The following TMC1 variants were observed in gnomAD, a reference collection of about 807,000 sequenced individuals.
TMC1 encodes transmembrane channel-like protein 1.
TMC1 carries 84 observed loss-of-function variants against 105.8 expected under a neutral mutation model. The ratio of observed to expected loss-of-function variants is 0.79; its 90% CI spans 0.67 to 0.95. TMC1 has a LOEUF of 0.95. Among genes scored for constraint, TMC1 ranks in the 40% least tolerant of loss-of-function variants. TMC1 has a pLI of 0.00. For missense variants in TMC1, 817 were observed against 914.1 expected, an observed-to-expected ratio of 0.89 and a Z score of 1.37; for synonymous variants, 315 against 311.5, an observed-to-expected ratio of 1.01 and a Z score of -0.12.
chr9:72,612,469 C>T (rs369308654), intron 2 of TMC1, among the ~76,000 whole-genome samples: 35 of 145,474 alleles, frequency 2.4e-4, no homozygotes, highest in South Asian at 1.1e-3. Context: ...CCACCACTCC[C>T]GGCCCAAACA....
intron 4 of TMC1, among the ~76,000 whole-genome samples, chr9:72,645,862 A>G (rs1021608355): frequency 1.3e-5 from 2 of 152,232 alleles, no homozygotes; most frequent in African/African-American, 4.8e-5. Context: ...CTGCATTGAC[A>G]TAATTCAATT....
intron 20 of TMC1, among the ~76,000 whole-genome samples, chr9:72,825,995 A>C (rs942355875): frequency 6.6e-6 from 1 of 152,206 alleles, no homozygotes; most frequent in African/African-American, 2.4e-5. Flanking sequence ...TTAGTAGTTG[A>C]AAATGCTTAA....
intron 1 of TMC1, among the ~76,000 whole-genome samples, chr9:72,566,841 C>A (rs1408832856): frequency 6.6e-6 from 1 of 152,194 alleles, no homozygotes; most frequent in Non-Finnish European, 1.5e-5. Context: ...GGGTTATGGT[C>A]ACAGACTCCT....
chr9:72,683,608 T>A (rs1301622526), intron 5 of TMC1, among the ~76,000 whole-genome samples: 1 of 150,622 alleles, frequency 6.6e-6, no homozygotes, highest in Non-Finnish European at 1.5e-5. Flanking sequence ...AAGAGAGATT[T>A]CACATTTTTG....
chr9:72,710,988 A>G (rs371424094), intron 8 of TMC1, among the ~76,000 whole-genome samples: 3 of 151,476 alleles, frequency 2.0e-5, no homozygotes, highest in South Asian at 4.2e-4. Flanking sequence ...TCATTGTTCA[A>G]CTCCCACTTA....
At chr9:72,765,649 A>C (rs541794841) in intron 12 of TMC1, among the ~76,000 whole-genome samples, 4 of 152,174 alleles carry the variant, frequency 2.6e-5, no homozygotes, top group Admixed American at 2.6e-4. Context: ...TAAAAAAAAA[A>C]AAAAAAATTC....
chr9:72,829,823 T>C (rs148673098), intron 21 of TMC1, among the ~76,000 whole-genome samples: 131 of 152,372 alleles, frequency 8.6e-4, no homozygotes, highest in Non-Finnish European at 8.8e-4. Context: ...TATTTATTTT[T>C]ACAGAATTGT....
At chr9:72,739,495 C>T (rs2118012556) in intron 8 of TMC1, among the ~76,000 whole-genome samples, 1 of 152,314 alleles carries the variant, frequency 6.6e-6, no homozygotes, top group East Asian at 1.9e-4. Flanking sequence ...AATGCAACTG[C>T]TGTAAATGTA....
intron 23 of TMC1, among the ~76,000 whole-genome samples, chr9:72,834,271 A>G (rs1443041889): frequency 1.3e-5 from 2 of 152,098 alleles, no homozygotes; most frequent in African/African-American, 2.4e-5. Context: ...GAGAATATTA[A>G]TAACTCTTTT....
chr9:72,667,493 T>C (rs999491566), intron 5 of TMC1, among the ~76,000 whole-genome samples: 2 of 152,364 alleles, frequency 1.3e-5, no homozygotes, highest in African/African-American at 4.8e-5. Flanking sequence ...TTTGTCTTGT[T>C]GGTATATATA....
At chr9:72,650,080 G>A (rs990737470) in intron 5 of TMC1, among the ~76,000 whole-genome samples, 29 of 152,102 alleles carry the variant, frequency 1.9e-4, no homozygotes, top group East Asian at 1.3e-3. Flanking sequence ...ATATGCTGTT[G>A]CAGAAAATAT....
chr9:72,771,245 C>T (rs1480607168), intron 12 of TMC1, among the ~76,000 whole-genome samples: 1 of 152,154 alleles, frequency 6.6e-6, no homozygotes, highest in African/African-American at 2.4e-5. Context: ...TTAAAGAGTA[C>T]AATATTTAAG....
At chr9:72,614,221 A>T (rs567577041) in intron 2 of TMC1, among the ~76,000 whole-genome samples, 2 of 152,286 alleles carry the variant, frequency 1.3e-5, no homozygotes, top group South Asian at 4.2e-4. Context: ...ACAATGACAC[A>T]TGGAGGTCAG....
chr9:72,703,046 TATACA>T (rs1444773104), intron 8 of TMC1, among the ~76,000 whole-genome samples: 1 of 152,158 alleles, frequency 6.6e-6, no homozygotes, highest in Non-Finnish European at 1.5e-5. Context: ...CGTGGCAATA[TATACA>T]ATACAAAATT....
At chr9:72,672,852 A>T (rs2132170145) in intron 5 of TMC1, among the ~76,000 whole-genome samples, 1 of 150,700 alleles carries the variant, frequency 6.6e-6, no homozygotes, top group East Asian at 2.0e-4. Flanking sequence ...ACACACACAC[A>T]CACACACACA....
intron 12 of TMC1, among the ~76,000 whole-genome samples, chr9:72,769,625 A>G (rs1197113492): frequency 6.6e-6 from 1 of 152,234 alleles, no homozygotes; most frequent in African/African-American, 2.4e-5. Flanking sequence ...GGGAACGTCA[A>G]GAGTTGGAGA....
chr9:72,614,365 CA>C (rs1340207955), intron 2 of TMC1, among the ~76,000 whole-genome samples: 1 of 152,146 alleles, frequency 6.6e-6, no homozygotes, highest in Non-Finnish European at 1.5e-5. Context: ...ATGAGATAAA[CA>C]GTCATAAAGG....
At chr9:72,594,322 G>A (rs80011340) in intron 2 of TMC1, among the ~76,000 whole-genome samples, 2 of 152,270 alleles carry the variant, frequency 1.3e-5, no homozygotes, top group East Asian at 1.9e-4. Context: ...AATTCACTAG[G>A]GAGGTGTAAA....
intron 12 of TMC1, among the ~76,000 whole-genome samples, chr9:72,760,364 G>A (rs1827737387): frequency 6.6e-6 from 1 of 151,950 alleles, no homozygotes; most frequent in Non-Finnish European, 1.5e-5. Context: ...CACCATGGAG[G>A]AAATCATTGA....
Sources: allele counts gnomAD v4.1 joint callset (sites outside exome capture counted in the v4.1 genomes callset), GRCh38; gene constraint gnomAD v4.1.1; transcripts MANE v1.5; gene names NCBI Gene and HGNC (gene_info 2026-07-23, HGNC 2026-07-21).